The following TMEM223 variants were observed in gnomAD, a reference collection of about 807,000 sequenced individuals.
TMEM223 encodes the protein transmembrane protein 223.
TMEM223 carries 14 observed loss-of-function variants against 14.1 expected under a neutral mutation model. That is an observed-to-expected ratio of 0.99 (90% CI 0.66 to 1.55). The LOEUF (loss-of-function observed/expected upper bound fraction) is 1.55. TMEM223 is among the 40% of genes most tolerant of loss of function. TMEM223 has a pLI of 0.00. For synonymous variants in TMEM223, 145 were observed against 120.5 expected (o/e 1.20, Z -1.33); for missense variants, 346 against 269.9 (o/e 1.28, Z -1.97).
downstream of TMEM223, chr11:62,787,411 C>T (rs772694587): frequency 2.7e-5 from 42 of 1,556,778 alleles, no homozygotes; most frequent in East Asian, 7.5e-4. Flanking sequence ...TGCAGCGGCG[C>T]TTCCTGGTGG....
intron 1 of TMEM223, among the ~76,000 whole-genome samples, chr11:62,780,340 G>A (rs1359786644): frequency 6.6e-6 from 1 of 151,064 alleles, no homozygotes; most frequent in African/African-American, 2.4e-5. Context: ...GTGAAACCCC[G>A]TCTCTACTAA....
At chr11:62,788,676 CAA>C (rs5792270), downstream of TMEM223, among the ~76,000 whole-genome samples, 39 of 122,340 alleles carry the variant, frequency 3.2e-4, no homozygotes, top group East Asian at 7.3e-4. Context: ...TGCACTCCAG[CAA>C]AAAAAAAAAA....
chr11:62,784,161 T>C (rs1451661341), downstream of TMEM223, among the ~76,000 whole-genome samples: 1 of 147,424 alleles, frequency 6.8e-6, no homozygotes, highest in Non-Finnish European at 1.5e-5. Flanking sequence ...AGTTAATTTT[T>C]GTATTTTTAG....
intron 1 of TMEM223, chr11:62,777,869 C>A (rs2084198448): frequency 1.5e-6 from 2 of 1,333,000 alleles, no homozygotes; most frequent in South Asian, 1.5e-5. Flanking sequence ...GACTTCTGGA[C>A]TTCCTTCAAA....
At chr11:62,782,193 G>A in intron 1 of TMEM223, 1 of 1,614,164 alleles carries the variant, frequency 6.2e-7, no homozygotes. Context: ...ATCCGCACCT[G>A]TGCTTGGGGC....
chr11:62,771,634 C>T (rs897914497), downstream of TMEM223: 24 of 178,560 alleles, frequency 1.3e-4, no homozygotes, highest in Admixed American at 1.3e-3. Context: ...CTCCTCCCCC[C>T]GCGCACCCCC....
chr11:62,790,617 A>G lies in TMEM223; in HGVS notation c.*6T>C, dbSNP rs772579357. 4.4e-6 allele frequency: 7 copies of G among 1,602,964 alleles called. No individual in the cohort carries two copies. The highest frequency in any genetic ancestry group is 6.0e-6 in the Non-Finnish European group (7 of 1,172,942). On this transcript the variant is annotated 3_prime_UTR_variant, in exon 2 of 2. Coordinates refer to ENST00000307366, the MANE Select transcript of TMEM223 (RefSeq NM_001080501.3). ...TTGGAGAGGTGAGTGACTTGAGGTC[A>G]TTTCTTCACAAGCTCCGGTAGGCAC...
Position 62,776,238 on chromosome 11 carries a change from A to G in TMEM223, c.315-1573T>C, listed in dbSNP as rs927643197. 22 of 801,568 alleles carry G rather than the reference A, an allele frequency of 2.7e-5. No individual in the cohort carries two copies. The East Asian group carries it at 5.9e-4, about 22-fold the overall frequency. 49.7% of individuals were successfully genotyped at this position (801,568 alleles called of 1,614,324 possible). ...TGTGACACCCGGGGGGTGTTTTTGT[A>G]CAGGAGCAGAGACGGAATCTAGGCT... On this transcript the variant is annotated intron_variant, in intron 1 of 2. Coordinates refer to the TMEM223 transcript ENST00000528367.
chr11:62,778,747 G>A, intron 1 of TMEM223: 1 of 835,940 alleles, frequency 1.2e-6, no homozygotes, highest in Admixed American at 1.8e-5. Context: ...TGCCCTGGTT[G>A]TCCTGTCAGA....
At chr11:62,787,841 G>C (rs548931808), downstream of TMEM223, 1 of 646,694 alleles carries the variant, frequency 1.5e-6, no homozygotes, top group East Asian at 3.1e-5. Flanking sequence ...AGTCAGTGCA[G>C]AACCTGCGTC....
At chr11:62,780,963 C>T (rs952075875) in intron 1 of TMEM223, among the ~76,000 whole-genome samples, 35 of 143,420 alleles carry the variant, frequency 2.4e-4, no homozygotes, top group African/African-American at 6.1e-4. Context: ...GGGCCGGGCA[C>T]GGTGGCTAAC....
downstream of TMEM223, chr11:62,786,897 A>G (rs2084284280): frequency 1.3e-6 from 2 of 1,550,924 alleles, no homozygotes; most frequent in African/African-American, 1.4e-5. Flanking sequence ...AGCTGACGGC[A>G]AGCGCCATAG....
chr11:62,782,080 A>G (rs770395511), intron 1 of TMEM223: 1 of 1,590,980 alleles, frequency 6.3e-7, no homozygotes, highest in Non-Finnish European at 8.6e-7. Flanking sequence ...CTGTCCCCTC[A>G]TGTCCCTGTA....
intron 1 of TMEM223, among the ~76,000 whole-genome samples, chr11:62,791,410 A>G (rs944961886): frequency 6.6e-6 from 1 of 152,060 alleles, no homozygotes; most frequent in Admixed American, 6.6e-5. Flanking sequence ...GGCGCTTGCT[A>G]CCACGCCCAG....
exon 3 of TMEM223, chr11:62,771,785 C>T (rs1332226539): frequency 4.4e-6 from 1 of 226,810 alleles, no homozygotes; most frequent in Non-Finnish European, 9.1e-6. Flanking sequence ...GAGCGGGAGA[C>T]TTTGGTCACA....
chr11:62,787,358 C>G, downstream of TMEM223: 1 of 1,537,358 alleles, frequency 6.5e-7, no homozygotes, highest in Non-Finnish European at 8.7e-7. Flanking sequence ...TCTCCACCTT[C>G]GTGGGTCGCG....
chr11:62,778,933 T>G, intron 1 of TMEM223: 1 of 1,614,114 alleles, frequency 6.2e-7, no homozygotes, highest in Non-Finnish European at 8.5e-7. Context: ...TGACTCGTGC[T>G]GTGCTAGGGG....
downstream of TMEM223, chr11:62,787,779 A>G: frequency 5.8e-6 from 4 of 684,448 alleles, no homozygotes; most frequent in South Asian, 6.1e-5. Context: ...CACTAGGTGG[A>G]GTCGGGTTTC....
intron 1 of TMEM223, among the ~76,000 whole-genome samples, chr11:62,780,974 G>A (rs970087706): frequency 6.9e-6 from 1 of 144,432 alleles, no homozygotes; most frequent in Admixed American, 7.1e-5. Flanking sequence ...GGTGGCTAAC[G>A]CCTGTAATCT....
Sources: allele counts gnomAD v4.1 joint callset (sites outside exome capture counted in the v4.1 genomes callset), GRCh38; gene constraint gnomAD v4.1.1; transcripts MANE v1.5; gene names NCBI Gene and HGNC (gene_info 2026-07-23, HGNC 2026-07-21).